VPS13D: variants seen among roughly 807,000 people sequenced by gnomAD.
The protein encoded by VPS13D is intermembrane lipid transfer protein VPS13D.
Under a neutral mutation model 461.9 loss-of-function variants are expected in VPS13D, and 187 were observed. That is an observed-to-expected ratio of 0.40 (90% CI 0.36 to 0.46). The LOEUF (loss-of-function observed/expected upper bound fraction) is 0.46. Among genes scored for constraint, VPS13D ranks in the 20% least tolerant of loss-of-function variants. The probability of loss-of-function intolerance (pLI) is 0.60; values close to 1 mark genes in which losing one functional copy is unlikely to be tolerated. For missense variants in VPS13D, 4,711 were observed against 5,364.9 expected (o/e 0.88, Z 3.81); for synonymous variants, 1,951 against 1,986.3 (o/e 0.98, Z 0.47).
At chr1:12,429,786 T>G (rs1644968922) in intron 65 of VPS13D, among the ~76,000 whole-genome samples, 1 of 152,204 alleles carries the variant, frequency 6.6e-6, no homozygotes, top group Non-Finnish European at 1.5e-5. Flanking sequence ...TAGCAGATAC[T>G]GACCTGGCTC....
intron 13 of VPS13D, among the ~76,000 whole-genome samples, chr1:12,266,318 T>TA (rs1445254480): frequency 2.6e-5 from 4 of 152,246 alleles, no homozygotes; most frequent in Non-Finnish European, 5.9e-5. Context: ...CAGCATCACC[T>TA]GCTACAGAGA....
Position 12,473,016 on chromosome 1 carries a change from G to A in VPS13D, c.12662+12620G>A, listed in dbSNP as rs1315936523. Among the ~76,000 whole-genome samples the A allele has an allele frequency of 6.6e-6, 1 of 152,146 alleles. No individual in the cohort carries two copies. Among genetic ancestry groups the A allele is most frequent in the Non-Finnish European group, 1.5e-5 (1 of 68,022 alleles). Reference sequence around the variant, plus strand: ...TGTGTGTTGTAAAGAAACAGGTTGTGGAAGGCTCTTGTCAGATCCCAGGAA... The same window carrying A: ...TGTGTGTTGTAAAGAAACAGGTTGTAGAAGGCTCTTGTCAGATCCCAGGAA... On this transcript the variant is annotated intron_variant, in intron 67 of 69. Coordinates refer to ENST00000620676, the MANE Select transcript of VPS13D (RefSeq NM_015378.4). This position sits in a 1 kb window ranked among gnomAD's most constrained non-coding sequence, Gnocchi z 4.2.
chr1:12,336,057 C>A, intron 39 of VPS13D: 1 of 489,654 alleles, frequency 2.0e-6, no homozygotes. Flanking sequence ...AAAAGATCTG[C>A]AACACGTAAT....
chr1:12,398,994 G>T (rs547862027), intron 60 of VPS13D, among the ~76,000 whole-genome samples: 1 of 152,288 alleles, frequency 6.6e-6, no homozygotes, highest in African/African-American at 2.4e-5. Context: ...TATAAGGACA[G>T]AGCTCATGAA....
chr1:12,369,420 C>T (rs773198132), intron 53 of VPS13D, 47 bp from the exon 54 acceptor site: 3 of 1,569,584 alleles, frequency 1.9e-6, no homozygotes, highest in African/African-American at 1.4e-5. Context: ...TTTCAGTAAC[C>T]CCACTCTGAA....
At chr1:12,383,900 T>G (rs1253644139) in intron 58 of VPS13D, among the ~76,000 whole-genome samples, 1 of 152,018 alleles carries the variant, frequency 6.6e-6, no homozygotes, top group Non-Finnish European at 1.5e-5. Context: ...GGTAGCAGAG[T>G]GATCCTCAGC....
intron 67 of VPS13D, among the ~76,000 whole-genome samples, chr1:12,494,939 G>A (rs1215371712): frequency 6.6e-6 from 1 of 152,254 alleles, no homozygotes; most frequent in East Asian, 1.9e-4. Context: ...CAGCCACCAG[G>A]CACTCACTCG....
intron 65 of VPS13D, among the ~76,000 whole-genome samples, chr1:12,453,436 G>C (rs893066225): frequency 1.3e-5 from 2 of 152,060 alleles, no homozygotes; most frequent in Non-Finnish European, 2.9e-5. Context: ...ACCCTGAATT[G>C]GCTGCGGTGC....
intron 67 of VPS13D, among the ~76,000 whole-genome samples, chr1:12,474,886 A>G (rs1645609754): frequency 6.6e-6 from 1 of 152,190 alleles, no homozygotes; most frequent in South Asian, 2.1e-4. Flanking sequence ...AACATATGAT[A>G]AGTACAACGC....
intron 61 of VPS13D, 40 bp from the exon 62 acceptor site, chr1:12,401,568 C>CTGGTGT: frequency 6.7e-7 from 1 of 1,496,634 alleles, no homozygotes; most frequent in African/African-American, 1.4e-5. Flanking sequence ...AATGTTCCTT[C>CTGGTGT]TGGTGTTCAC....
At position 12,346,586 on chromosome 1, in the gene VPS13D, C is replaced by G. The variant is rs1316935465; in HGVS notation, c.9022-19C>G. On this transcript the variant is annotated intron_variant, in intron 43 of 69. Coordinates refer to ENST00000620676, the MANE Select transcript of VPS13D (RefSeq NM_015378.4). ...TATCTTAAGTCTGTGCTGACTCTAA[C>G]TTTTGAAATCTTTTTCAGATTGGCA... is the stretch of plus-strand genomic sequence containing the variant. 2 of 1,612,186 alleles carry G rather than the reference C, an allele frequency of 1.2e-6. No homozygotes were observed. Among genetic ancestry groups the G allele is most frequent in the Non-Finnish European group, 1.7e-6 (2 of 1,179,474 alleles).
chr1:12,385,514 T>G, intron 59 of VPS13D, 141 bp downstream of exon 59: 1 of 667,316 alleles, frequency 1.5e-6, no homozygotes, highest in Non-Finnish European at 2.5e-6. Context: ...TTACTGTTTA[T>G]CAGTGAATGT....
rs1439914906 is a variant in VPS13D, at chr1:12,322,721, A to G, written c.7890A>G (p.Thr2630=). Reference sequence around the variant, plus strand: ...TTGGAGAGGAAATCAGAGAAGGGACAAGACACACCTTAGATCCTGTCTTGG... The same window carrying G: ...TTGGAGAGGAAATCAGAGAAGGGACGAGACACACCTTAGATCCTGTCTTGG... ...SRVGEEIREG[T]RHTLDPVLEL... The change falls in exon 34 of 70, where the codon ACA becomes ACG. Residue 2630 remains threonine, a synonymous_variant. Transcript: ENST00000620676. 15 of 1,614,096 alleles carry G rather than the reference A, an allele frequency of 9.3e-6. No individual in the cohort carries two copies. Among genetic ancestry groups the G allele is most frequent in the Non-Finnish European group, 1.3e-5 (15 of 1,180,016 alleles).
rs1382979745 is a variant in VPS13D at position 12,282,892 on chromosome 1, C to G, written c.4790C>G (p.Ser1597Cys). The G allele has an allele frequency of 6.2e-7, 1 of 1,614,152 alleles. No homozygotes were observed. Among genetic ancestry groups the G allele is most frequent in the Non-Finnish European group, 8.5e-7 (1 of 1,180,028 alleles). Residue 1597 changes from serine to cysteine, a missense_variant, in exon 21 of 70, where the codon TCC becomes TGC. This residue lies in a region of VPS13D where 4,411 missense variants were observed against 4,937.8 expected (regional missense o/e 0.89). Coordinates refer to ENST00000620676, the MANE Select transcript of VPS13D (RefSeq NM_015378.4). ...AAGGAGAATGGATTGTTCAGCCACT[C>G]CAGCCTTTCTAACACCTCTCAGAAG... ...ERKENGLFSH[S>C]SLSNTSQKSL...
At position 12,382,453 on chromosome 1, in the gene VPS13D, A is replaced by G. The variant is rs151274131; in HGVS notation, c.11191-523A>G. ...AACTGGGTATCAGGTGACATTCTCA[A>G]CTCTGTATTCCATTCTAGAAGAAAC... On this transcript the variant is annotated intron_variant, in intron 57 of 69. Transcript: ENST00000620676. Among the ~76,000 whole-genome samples, 6 of 151,760 alleles carry G rather than the reference A, an allele frequency of 4.0e-5. No homozygotes were observed. In the East Asian group the frequency reaches 1.2e-3, roughly 30 times the overall value.
In VPS13D at chr1:12,244,249, T is replaced by C. The variant is rs764719634; in HGVS notation, c.179T>C (p.Phe60Ser). The C allele has an allele frequency of 6.2e-7, 1 of 1,609,104 alleles. No individual in the cohort carries two copies. Among genetic ancestry groups the C allele is most frequent in the Non-Finnish European group, 8.5e-7 (1 of 1,178,194 alleles). Residue 60 changes from phenylalanine to serine, a missense_variant, in exon 4 of 70, where the codon TTC (phenylalanine) becomes TCC (serine). By Grantham distance (155) the Phe-to-Ser change is radical. Transcript: ENST00000620676. Reference protein sequence around the residue: ...LELPFEVKAGFIGKVTLQIPF... With the variant: ...LELPFEVKAGSIGKVTLQIPF... ...AAGACTTTCCTTCTCCTTCCAGGCT[T>C]CATTGGGAAAGTAACCCTTCAGATT...
In VPS13D at chr1:12,293,550, G is replaced by A. The variant is rs1316878825; in HGVS notation, c.5879G>A (p.Arg1960Gln). 3.1e-6 allele frequency: 5 copies of A among 1,612,862 alleles called. No homozygotes were observed. The highest frequency in any genetic ancestry group is 1.7e-5 in the Admixed American group (1 of 59,912). ...FKYGRPDPLL[R>Q]REHDIRVSLR... is the part of the protein sequence containing the mutation. ...TACGGACGGCCTGACCCTCTGCTCC[G>A]GAGAGAACACGACATTCGCGTGAGC... Residue 1960 changes from arginine to glutamine, a missense_variant, in exon 24 of 70, where the codon CGG becomes CAG. Transcript: ENST00000620676.
intron 31 of VPS13D, among the ~76,000 whole-genome samples, chr1:12,319,278 C>T (rs186557165): frequency 1.4e-3 from 219 of 152,336 alleles, no homozygotes; most frequent in Non-Finnish European, 2.7e-3. Context: ...CCCAGTCTTT[C>T]CTGCTGCTGC....
intron 49 of VPS13D, 101 bp downstream of exon 49, chr1:12,356,625 A>C (rs1430022996): frequency 2.8e-6 from 4 of 1,432,648 alleles, no homozygotes; most frequent in Non-Finnish European, 2.8e-6. Flanking sequence ...TATACTGTAG[A>C]TAACAATCCT....
Sources: allele counts gnomAD v4.1 joint callset (sites outside exome capture counted in the v4.1 genomes callset), GRCh38; gene constraint gnomAD v4.1.1; regional missense constraint gnomAD v4.1.1; non-coding constraint Gnocchi (gnomAD v3.1); transcripts MANE v1.5; gene names NCBI Gene and HGNC (gene_info 2026-07-23, HGNC 2026-07-21).